The following RANBP2 variants were observed in gnomAD, a reference collection of about 807,000 sequenced individuals.
RANBP2 encodes the protein RAN binding protein 2, also known as E3 SUMO-protein ligase RanBP2.
In RANBP2, 57 loss-of-function variants were observed where a neutral mutation model predicts 303.6. That is an observed-to-expected ratio of 0.19 (90% CI 0.15 to 0.23). The LOEUF is 0.23. RANBP2 is among the 10% of genes least tolerant of loss of function. The pLI is 1.00. For synonymous variants in RANBP2, 1,167 were observed against 1,301.5 expected, an observed-to-expected ratio of 0.90 and a Z score of 2.23; for missense variants, 3,138 against 3,780.8, an observed-to-expected ratio of 0.83 and a Z score of 4.46.
the RANBP2 span, among the ~76,000 whole-genome samples, chr2:109,177,775 G>T: frequency 6.6e-6 from 1 of 152,196 alleles, no homozygotes; most frequent in Non-Finnish European, 1.5e-5. Context: ...GTAGATTTCA[G>T]ATGTAAGAAA....
At position 108,770,121 on chromosome 2, in the gene RANBP2, T is replaced by C. The variant is rs2693099; in HGVS notation, c.7850-1580T>C. Among the ~76,000 whole-genome samples the C allele has an allele frequency of 2.6e-5, 4 of 152,358 alleles. No individual in the cohort carries two copies. The Middle Eastern group carries it at 0.01, about 389-fold the overall frequency. On this transcript the variant is annotated intron_variant, in intron 20 of 28. Coordinates refer to ENST00000283195, the MANE Select transcript of RANBP2 (RefSeq NM_006267.5). The stretch of plus-strand genomic sequence containing the variant: ...AGGTTAGGAATCCCTGACCTAAGAA[T>C]GAATGTGCCTATATACTACTGTAGA...
the RANBP2 span, among the ~76,000 whole-genome samples, chr2:109,205,545 G>A: frequency 4.6e-5 from 7 of 152,240 alleles, no homozygotes; most frequent in East Asian, 1.9e-4. Context: ...ACTGTGCCCC[G>A]CCCAACTTAT....
At position 108,783,772 on chromosome 2, in the gene RANBP2, G is replaced by T; in HGVS notation, c.9546G>T (p.Leu3182Phe). ...FVITLKKAEHLDFKHVVFGFV... is the reference protein window; with the variant it reads ...FVITLKKAEHFDFKHVVFGFV... The stretch of plus-strand genomic sequence containing the variant: ...TAACACTGAAGAAAGCAGAACATTT[G>T]GACTTTAAGCATGTAGTATTTGGGT... The change falls in exon 29 of 29, where the codon TTG becomes TTT. Residue 3182 changes from leucine (L) to phenylalanine (F), a missense_variant. Transcript: ENST00000283195. The T allele has an allele frequency of 6.2e-7, 1 of 1,612,732 alleles. No individual in the cohort carries two copies. Among genetic ancestry groups the T allele is most frequent in the Non-Finnish European group, 8.5e-7 (1 of 1,178,850 alleles).
At chr2:109,285,058 A>G in the RANBP2 span, among the ~76,000 whole-genome samples, 1 of 152,242 alleles carries the variant, frequency 6.6e-6, no homozygotes, top group Non-Finnish European at 1.5e-5. Flanking sequence ...GGCCGGCCAC[A>G]CAGCCCTGTC....
the RANBP2 span, among the ~76,000 whole-genome samples, chr2:108,809,754 G>T: frequency 6.6e-6 from 1 of 152,046 alleles, no homozygotes; most frequent in African/African-American, 2.4e-5. Flanking sequence ...TTGCATTGAA[G>T]ATCATGTCAT....
At chr2:109,103,351 C>T in the RANBP2 span, among the ~76,000 whole-genome samples, 1 of 152,202 alleles carries the variant, frequency 6.6e-6, no homozygotes, top group Non-Finnish European at 1.5e-5. Flanking sequence ...ATGTATACCT[C>T]ATATGTATTG....
chr2:109,367,119 A>T, the RANBP2 span, among the ~76,000 whole-genome samples: 24 of 113,322 alleles, frequency 2.1e-4, no homozygotes, highest in South Asian at 6.6e-3. Context: ...TGCCCTGGTA[A>T]TTTTTTTTTT....
chr2:109,319,061 C>A, the RANBP2 span, among the ~76,000 whole-genome samples: 4 of 152,194 alleles, frequency 2.6e-5, no homozygotes, highest in Admixed American at 2.6e-4. Context: ...GTGTTTGTAT[C>A]CTGCCTGGAA....
the RANBP2 span, among the ~76,000 whole-genome samples, chr2:108,927,871 A>T: frequency 3.9e-5 from 6 of 152,120 alleles, no homozygotes; most frequent in African/African-American, 1.4e-4. Context: ...CCACATGGCC[A>T]GTCATGGAGA....
the RANBP2 span, among the ~76,000 whole-genome samples, chr2:108,977,262 G>A: frequency 1.3e-5 from 2 of 152,100 alleles, no homozygotes; most frequent in Non-Finnish European, 2.9e-5. Context: ...CTTGGCTCCT[G>A]AGAAGCTCGC....
chr2:109,004,067 A>G, the RANBP2 span, among the ~76,000 whole-genome samples: 1 of 152,216 alleles, frequency 6.6e-6, no homozygotes, highest in East Asian at 1.9e-4. Flanking sequence ...AGCTTTCTCT[A>G]TTTTGTGTAT....
At chr2:109,701,274 C>A in the RANBP2 span, among the ~76,000 whole-genome samples, 8 of 152,164 alleles carry the variant, frequency 5.3e-5, no homozygotes, top group Non-Finnish European at 1.0e-4. Flanking sequence ...ACCTTGTTAA[C>A]CCAGAATATC....
the RANBP2 span, among the ~76,000 whole-genome samples, chr2:109,562,530 TA>T: frequency 0.064 from 9,783 of 152,190 alleles, 745 homozygotes; most frequent in East Asian, 0.24. Flanking sequence ...GCTGAATGAC[TA>T]AGAATTCTGA....
At chr2:108,831,924 G>A in the RANBP2 span, among the ~76,000 whole-genome samples, 2 of 151,634 alleles carry the variant, frequency 1.3e-5, no homozygotes, top group Non-Finnish European at 2.9e-5. Flanking sequence ...GTAGAGATGG[G>A]GTTTCACCAT....
the RANBP2 span, among the ~76,000 whole-genome samples, chr2:109,377,633 T>C: frequency 6.6e-6 from 1 of 152,220 alleles, no homozygotes; most frequent in Non-Finnish European, 1.5e-5. Flanking sequence ...AAAATCTTTA[T>C]TTAGTGAAAT....
chr2:109,748,638 C>T, the RANBP2 span, among the ~76,000 whole-genome samples: 6 of 134,342 alleles, frequency 4.5e-5, no homozygotes, highest in African/African-American at 5.5e-5. Context: ...TTTGGGAGGC[C>T]GAGGCGGGCG....
the RANBP2 span, chr2:109,567,711 T>C: frequency 8.6e-7 from 1 of 1,167,096 alleles, no homozygotes; most frequent in Non-Finnish European, 1.2e-6. Context: ...GTTTGAAGTC[T>C]TTTTGGAAGA....
chr2:108,886,849 C>T, the RANBP2 span, among the ~76,000 whole-genome samples: 3 of 152,176 alleles, frequency 2.0e-5, no homozygotes, highest in Non-Finnish European at 4.4e-5. Flanking sequence ...TAGGTTGTCT[C>T]TTCACTCTGT....
the RANBP2 span, among the ~76,000 whole-genome samples, chr2:109,283,096 G>A: frequency 1.3e-5 from 2 of 152,230 alleles, no homozygotes; most frequent in African/African-American, 4.8e-5. Flanking sequence ...GGGCAGCAGC[G>A]GTGATGATGG....
Sources: gnomAD v4.1 joint callset for allele counts (sites outside exome capture counted in the v4.1 genomes callset) on GRCh38, gnomAD v4.1.1 for gene constraint, MANE v1.5 for transcripts, NCBI Gene and HGNC (gene_info 2026-07-23, HGNC 2026-07-21) for gene names.